SLC39A12: variants seen among roughly 807,000 people sequenced by gnomAD.
The protein encoded by SLC39A12 is zinc transporter ZIP12.
Under a neutral mutation model 71.1 loss-of-function variants are expected in SLC39A12, and 63 were observed. The ratio of observed to expected loss-of-function variants is 0.89; its 90% CI spans 0.72 to 1.09. The LOEUF (loss-of-function observed/expected upper bound fraction) is 1.09, where lower values mean the gene tolerates loss of function less well. Among genes scored for constraint, SLC39A12 ranks in the 50% least tolerant of loss-of-function variants. The pLI is 0.00. For missense variants in SLC39A12, 892 were observed against 812.6 expected, an observed-to-expected ratio of 1.10 and a Z score of -1.19; for synonymous variants, 351 against 301.3, an observed-to-expected ratio of 1.16 and a Z score of -1.71.
chr10:17,967,550 C>T (rs115907549), intron 4 of SLC39A12, among the ~76,000 whole-genome samples: 2,060 of 152,094 alleles, frequency 0.014, 40 homozygotes, highest in African/African-American at 0.043. Context: ...ATAACAGTGG[C>T]CATGCATCCT....
Position 17,987,560 on chromosome 10 carries a change from G to T in SLC39A12, c.1178G>T (p.Cys393Phe). ...LGTALVLFHSCEENYRLILQL... is the reference protein window; with the variant it reads ...LGTALVLFHSFEENYRLILQL... ...ACAGCGCTGGTCCTTTTCCATAGCTGTGAGGAGAACTACAGGCTTATCTTA... is the reference window on the plus strand; with the variant it reads ...ACAGCGCTGGTCCTTTTCCATAGCTTTGAGGAGAACTACAGGCTTATCTTA... The change falls in exon 7 of 13, where the codon TGT becomes TTT. Residue 393 changes from cysteine to phenylalanine, a missense_variant. By Grantham distance (205) the Cys-to-Phe change is radical (BLOSUM62 -2). Transcript: ENST00000377369. The T allele has an allele frequency of 6.2e-7, 1 of 1,614,124 alleles. No homozygotes were observed. Among genetic ancestry groups the T allele is most frequent in the Non-Finnish European group, 8.5e-7 (1 of 1,180,020 alleles).
intron 4 of SLC39A12, among the ~76,000 whole-genome samples, chr10:17,972,529 A>C (rs964652036): frequency 6.6e-6 from 1 of 152,146 alleles, no homozygotes; most frequent in Non-Finnish European, 1.5e-5. Flanking sequence ...TGTTGAGTGC[A>C]TATATATTTA....
At chr10:18,012,692 C>T (rs1055830102) in intron 12 of SLC39A12, among the ~76,000 whole-genome samples, 2 of 152,030 alleles carry the variant, frequency 1.3e-5, no homozygotes, top group Non-Finnish European at 2.9e-5. Context: ...CACGGTGAAA[C>T]CCCTTCTCTA....
At chr10:18,036,633 T>C (rs1480102774) in intron 12 of SLC39A12, among the ~76,000 whole-genome samples, 3 of 151,456 alleles carry the variant, frequency 2.0e-5, no homozygotes, top group African/African-American at 7.3e-5. Flanking sequence ...CTGGGAGCTG[T>C]AGACCGGAGC....
At chr10:17,980,249 G>A (rs938069030) in intron 5 of SLC39A12, among the ~76,000 whole-genome samples, 2 of 151,990 alleles carry the variant, frequency 1.3e-5, no homozygotes, top group Non-Finnish European at 2.9e-5. Context: ...TTGTATCCAT[G>A]AAATCATCTC....
At chr10:18,000,872 A>G in intron 11 of SLC39A12, 47 bp downstream of exon 11, 1 of 1,551,434 alleles carries the variant, frequency 6.4e-7, no homozygotes, top group Non-Finnish European at 8.8e-7. Flanking sequence ...TGAGAAAGAA[A>G]TAACATCTTT....
intron 4 of SLC39A12, 40 bp from the exon 5 acceptor site, chr10:17,977,862 T>C (rs1247790438): frequency 2.7e-6 from 4 of 1,472,776 alleles, no homozygotes; most frequent in East Asian, 2.3e-5. Flanking sequence ...TCGGAACTTA[T>C]CTATTCTATG....
At chr10:18,042,128 T>C (rs1837273329) in intron 12 of SLC39A12, among the ~76,000 whole-genome samples, 1 of 152,022 alleles carries the variant, frequency 6.6e-6, no homozygotes, top group Admixed American at 6.6e-5. Flanking sequence ...ATTTAAACAT[T>C]TTCTGAAAAG....
At chr10:17,996,996 C>T (rs1835701528) in intron 10 of SLC39A12, among the ~76,000 whole-genome samples, 1 of 126,890 alleles carries the variant, frequency 7.9e-6, no homozygotes, top group Non-Finnish European at 1.6e-5. Flanking sequence ...GCACTCTAGT[C>T]TGTGCAACAG....
At chr10:18,017,570 T>C (rs1836421213) in intron 12 of SLC39A12, among the ~76,000 whole-genome samples, 1 of 152,214 alleles carries the variant, frequency 6.6e-6, no homozygotes, top group Admixed American at 6.5e-5. Flanking sequence ...TTGTGAAGAA[T>C]GTAAGACTGT....
In SLC39A12 at chr10:17,994,222, C is replaced by G. The variant is rs147532691; in HGVS notation, c.1533+931C>G. 5.8e-4 allele frequency among the ~76,000 whole-genome samples: 88 copies of G among 152,110 alleles called. 1 individual carries two copies. Among genetic ancestry groups the G allele is most frequent in the African/African-American group, 2.0e-3 (82 of 41,518 alleles). On this transcript the variant is annotated intron_variant, in intron 9 of 12. Transcript: ENST00000377369. ...CCTTCTCTTTGAAGTGTCCAGAGCC[C>G]CAAGATGCATATAACCAAATCTCTG...
At chr10:17,959,059 A>G (rs1554848049) in intron 2 of SLC39A12, among the ~76,000 whole-genome samples, 1 of 152,198 alleles carries the variant, frequency 6.6e-6, no homozygotes, top group African/African-American at 2.4e-5. Context: ...AATAGTACCA[A>G]TAGTTTAGTT....
chr10:17,960,553 C>T (rs568620487), intron 2 of SLC39A12, among the ~76,000 whole-genome samples: 1 of 152,238 alleles, frequency 6.6e-6, no homozygotes, highest in Non-Finnish European at 1.5e-5. Context: ...GTGCTATATG[C>T]TAAGGATAGA....
intron 12 of SLC39A12, among the ~76,000 whole-genome samples, chr10:18,018,025 A>T (rs771564895): frequency 6.6e-6 from 1 of 152,136 alleles, no homozygotes; most frequent in Non-Finnish European, 1.5e-5. Flanking sequence ...AACATGGAAT[A>T]CCTTTCCATT....
rs895802465 is a variant in SLC39A12 at position 17,951,927 on chromosome 10, G to T, written c.-185G>T. On this transcript the variant is annotated 5_prime_UTR_variant, in exon 1 of 13. Transcript: ENST00000377369. ...CTCTAGCTCCCAGTGCACAGTCAAA[G>T]AATTTTAAAAACAGGGAACTTTGTA... 2.6e-5 allele frequency: 4 copies of T among 152,152 alleles called. No individual in the cohort carries two copies. Among genetic ancestry groups the T allele is most frequent in the African/African-American group, 9.7e-5 (4 of 41,416 alleles). 9.4% of individuals were successfully genotyped at this position (152,152 alleles called of 1,614,324 possible).
At chr10:17,988,093 A>C (rs1475761740) in intron 7 of SLC39A12, among the ~76,000 whole-genome samples, 1 of 152,184 alleles carries the variant, frequency 6.6e-6, no homozygotes, top group Non-Finnish European at 1.5e-5. Flanking sequence ...GGATTACTTG[A>C]GATCAGGAGT....
chr10:17,956,004 G>C (rs1554847745), intron 2 of SLC39A12, among the ~76,000 whole-genome samples: 1 of 152,182 alleles, frequency 6.6e-6, no homozygotes, highest in Non-Finnish European at 1.5e-5. Context: ...TGGAGCCTCA[G>C]CTTCCTCACC....
At chr10:17,962,008 CAT>C in intron 3 of SLC39A12, 146 bp downstream of exon 3, 1 of 848,310 alleles carries the variant, frequency 1.2e-6, no homozygotes, top group Non-Finnish European at 1.8e-6. Context: ...TGTTAAATGA[CAT>C]AATTTAAAAT....
In SLC39A12 at chr10:18,042,748, T is replaced by C. The variant is rs778299948; in HGVS notation, c.1991T>C (p.Met664Thr). The change falls in exon 13 of 13, where the codon ATG (methionine) becomes ACG (threonine). Residue 664 changes from methionine to threonine, a missense_variant. Transcript: ENST00000377369. ...THVQTQRPWM[M>T]FLLQNFGLIL... Reference sequence around the variant, plus strand: ...GTTCAAACACAACGACCCTGGATGATGTTTCTCCTGCAAAACTTTGGATTG... The same window carrying C: ...GTTCAAACACAACGACCCTGGATGACGTTTCTCCTGCAAAACTTTGGATTG... 35 of 1,613,276 alleles carry C rather than the reference T, an allele frequency of 2.2e-5. No homozygotes were observed. The highest frequency in any genetic ancestry group is 2.5e-5 in the Non-Finnish European group (29 of 1,179,748).
Sources: gnomAD v4.1 joint callset for allele counts (sites outside exome capture counted in the v4.1 genomes callset) on GRCh38, gnomAD v4.1.1 for gene constraint, MANE v1.5 for transcripts, NCBI Gene and HGNC (gene_info 2026-07-23, HGNC 2026-07-21) for gene names.